The following MDFI variants were observed in gnomAD, a reference collection of about 807,000 sequenced individuals.
MDFI encodes inhibitor of MyoD family a.
A neutral mutation model predicts 22.3 loss-of-function variants in MDFI; 16 were observed. The observed-to-expected ratio is 0.72, with a 90% CI of 0.49 to 1.09. The LOEUF is 1.09. Ranked by LOEUF, MDFI falls within the 50% of genes least tolerant of loss-of-function variation. The pLI is 0.00. For synonymous variants in MDFI, 145 were observed against 142.7 expected, an observed-to-expected ratio of 1.02 and a Z score of -0.12; for missense variants, 314 against 326.1, an observed-to-expected ratio of 0.96 and a Z score of 0.29.
chr6:41,649,911 G>A (rs1768206198), intron 4 of MDFI, 68 bp downstream of exon 4: 1 of 1,369,434 alleles, frequency 7.3e-7, no homozygotes, highest in South Asian at 1.3e-5. Context: ...CATGACGCAT[G>A]GGCCCACTGG....
upstream of MDFI, chr6:41,638,354 C>T (rs1767708565): frequency 9.8e-6 from 2 of 204,366 alleles, no homozygotes; most frequent in Admixed American, 6.3e-5. The surrounding 1 kb of genome is among the most constrained non-coding windows in gnomAD (Gnocchi z 7.6). Context: ...GGGAGGGGAC[C>T]CGCAGAGGGG....
chr6:41,639,118 C>A, intron 2 of MDFI: 1 of 566,172 alleles, frequency 1.8e-6, no homozygotes, highest in African/African-American at 2.2e-5. Context: ...ACATACACTC[C>A]GCGGTGTCTG....
intron 2 of MDFI, among the ~76,000 whole-genome samples, chr6:41,640,909 A>G (rs1315338286): frequency 6.6e-6 from 1 of 152,196 alleles, no homozygotes; most frequent in Non-Finnish European, 1.5e-5. Context: ...ATTCCTGTTC[A>G]TGGTTCTAAA....
intron 3 of MDFI, among the ~76,000 whole-genome samples, chr6:41,648,669 C>G (rs1768145914): frequency 6.6e-6 from 1 of 152,134 alleles, no homozygotes; most frequent in Admixed American, 6.5e-5. Context: ...GGAGTCAGGA[C>G]CCCTGCACAG....
intron 2 of MDFI, chr6:41,639,753 C>T: frequency 2.0e-6 from 2 of 985,432 alleles, no homozygotes; most frequent in Non-Finnish European, 1.2e-6. Flanking sequence ...CCCCCTTTCC[C>T]CTCTTTGACT....
At chr6:41,650,341 G>T (rs768176580) in intron 4 of MDFI, among the ~76,000 whole-genome samples, 4 of 152,204 alleles carry the variant, frequency 2.6e-5, no homozygotes, top group Admixed American at 6.5e-5. Context: ...ACAACACAAA[G>T]ATCCTCTGCA....
chr6:41,650,118 A>T, intron 4 of MDFI: 1 of 394,902 alleles, frequency 2.5e-6, no homozygotes, highest in Non-Finnish European at 4.5e-6. Context: ...CCCCACCCCA[A>T]ACCCCTCCCC....
intron 2 of MDFI, among the ~76,000 whole-genome samples, chr6:41,641,499 A>G (rs1047040151): frequency 2.0e-5 from 3 of 152,196 alleles, no homozygotes; most frequent in African/African-American, 7.2e-5. Context: ...GGCCCAGACC[A>G]TGGGGAGGCC....
At chr6:41,652,943 A>C (rs1252673888) in intron 4 of MDFI, among the ~76,000 whole-genome samples, 1 of 152,148 alleles carries the variant, frequency 6.6e-6, no homozygotes, top group East Asian at 1.9e-4. Context: ...CAGTCTCTTC[A>C]TCTGTAGAGT....
At chr6:41,643,516 C>G (rs193257266) in intron 2 of MDFI, among the ~76,000 whole-genome samples, 1 of 102,762 alleles carries the variant, frequency 9.7e-6, no homozygotes, top group East Asian at 2.8e-4. Context: ...TGTTAAACCA[C>G]ACAGCACAGG....
At chr6:41,645,369 C>A (rs1768008424) in intron 2 of MDFI, among the ~76,000 whole-genome samples, 1 of 152,004 alleles carries the variant, frequency 6.6e-6, no homozygotes, top group Non-Finnish European at 1.5e-5. Flanking sequence ...CTCCTGCCGC[C>A]CCTGCACAGA....
chr6:41,649,565 G>A (rs1561833369), intron 3 of MDFI, 54 bp from the exon 4 acceptor site: 5 of 1,461,826 alleles, frequency 3.4e-6, no homozygotes, highest in Non-Finnish European at 2.8e-6. Flanking sequence ...CATAGCTCTG[G>A]GGGCCGAATG....
chr6:41,646,310 T>A lies in MDFI; in HGVS notation c.259+2T>A. The A allele has an allele frequency of 7.0e-7, 1 of 1,430,268 alleles. No homozygotes were observed. The highest frequency in any genetic ancestry group is 1.6e-5 in the South Asian group (1 of 61,366). The allele number at this position is 1,430,268 out of a possible 1,614,324, so 88.6% of individuals were successfully genotyped here. A position where few individuals can be genotyped will look rare whatever the true frequency, so the allele number is the denominator to read the frequency against. ...ACGTCCCCACAGAAGCTGTGACATG[T>A]GAGTCCTAGGGGGCCAGGAGGTTGG... On this transcript the variant is annotated splice_donor_variant, in intron 3 of 4. Transcript: ENST00000230321. LOFTEE classifies it high-confidence loss of function.
chr6:41,644,470 G>A (rs1767974317), intron 2 of MDFI, among the ~76,000 whole-genome samples: 1 of 152,056 alleles, frequency 6.6e-6, no homozygotes, highest in Non-Finnish European at 1.5e-5. Flanking sequence ...TCCCACATGG[G>A]GCCTCTGGGG....
chr6:41,640,023 C>G (rs1032092327), intron 2 of MDFI: 3 of 792,574 alleles, frequency 3.8e-6, no homozygotes, highest in African/African-American at 3.7e-5. Flanking sequence ...GCCAGTGTGT[C>G]TACAGCCCAT....
At chr6:41,645,617 C>A (rs1768019728) in intron 2 of MDFI, among the ~76,000 whole-genome samples, 1 of 152,178 alleles carries the variant, frequency 6.6e-6, no homozygotes, top group Non-Finnish European at 1.5e-5. Context: ...CCATTACTGA[C>A]TTCCGTGCTA....
chr6:41,650,510 G>T (rs1324905464), intron 4 of MDFI, among the ~76,000 whole-genome samples: 1 of 151,574 alleles, frequency 6.6e-6, no homozygotes, highest in African/African-American at 2.4e-5. Context: ...AAACACACTT[G>T]CACATAACAT....
intron 2 of MDFI, among the ~76,000 whole-genome samples, chr6:41,641,711 G>A (rs74918971): frequency 0.078 from 11,923 of 152,244 alleles, 649 homozygotes; most frequent in Middle Eastern, 0.17. Context: ...AGACAATGAC[G>A]AGGGCTAAAC....
intron 3 of MDFI, among the ~76,000 whole-genome samples, chr6:41,647,741 A>G (rs1427475972): frequency 2.0e-5 from 3 of 152,076 alleles, no homozygotes; most frequent in Non-Finnish European, 4.4e-5. Context: ...CCAGTAGTAG[A>G]TCTATTGCGA....
Sources: gnomAD v4.1 joint callset for allele counts (sites outside exome capture counted in the v4.1 genomes callset) on GRCh38, gnomAD v4.1.1 for gene constraint, Gnocchi (gnomAD v3.1) non-coding constraint, MANE v1.5 for transcripts, NCBI Gene and HGNC (gene_info 2026-07-23, HGNC 2026-07-21) for gene names.